Variants in SEC31A observed in about 807,000 individuals in gnomAD.
SEC31A encodes the protein protein transport protein Sec31A.
A neutral mutation model predicts 151.0 loss-of-function variants in SEC31A; 70 were observed. That is an observed-to-expected ratio of 0.46 (90% CI 0.38 to 0.57). SEC31A has a LOEUF of 0.57. Ranked by LOEUF, SEC31A falls within the 20% of genes least tolerant of loss-of-function variation. The pLI is 0.00. For synonymous variants in SEC31A, 475 were observed against 505.9 expected, an observed-to-expected ratio of 0.94 and a Z score of 0.82; for missense variants, 1,330 against 1,471.2, an observed-to-expected ratio of 0.90 and a Z score of 1.57.
chr4:82,864,101 C>T (rs1256399400), intron 11 of SEC31A, among the ~76,000 whole-genome samples: 2 of 152,000 alleles, frequency 1.3e-5, no homozygotes, highest in African/African-American at 2.4e-5. Flanking sequence ...CTGACTATGT[C>T]GCTCTCCTCT....
intron 7 of SEC31A, chr4:82,871,636 C>T (rs773303787): frequency 7.7e-5 from 41 of 535,760 alleles, no homozygotes; most frequent in African/African-American, 3.2e-4. Context: ...ATTAGCTGGG[C>T]GTGGTGGCGC....
intron 20 of SEC31A, 103 bp downstream of exon 20, chr4:82,848,701 A>T (rs2149324280): frequency 1.1e-6 from 1 of 898,526 alleles, no homozygotes. Flanking sequence ...TATATTGTCT[A>T]GTTTTACCAT....
rs183853947 is a variant in SEC31A, at chr4:82,846,808, G to A, written c.2502+1996C>T. ...CAGCTCACTGCAACCTCCGCCTCCC[G>A]GGTTCAAGCGATTCTCCTGCCTCAG... On this transcript the variant is annotated intron_variant, in intron 20 of 26. Coordinates refer to ENST00000395310, the MANE Select transcript of SEC31A (RefSeq NM_001077207.4). 2.9e-3 allele frequency among the ~76,000 whole-genome samples: 447 copies of A among 152,070 alleles called. 2 individuals carry two copies. The highest frequency in any genetic ancestry group is 0.01 in the Middle Eastern group (3 of 294).
chr4:82,867,337 C>T, intron 8 of SEC31A, 21 bp from the exon 9 acceptor site: 1 of 1,608,812 alleles, frequency 6.2e-7, no homozygotes, highest in Non-Finnish European at 8.5e-7. Flanking sequence ...AAAAAACAAA[C>T]AACAAAACTC....
Position 82,875,751 on chromosome 4 carries a change from T to C in SEC31A, c.474A>G (p.Pro158=), listed in dbSNP as rs755089680. 2.5e-6 allele frequency: 4 copies of C among 1,604,932 alleles called. No homozygotes were observed. The African/African-American group carries it at 5.4e-5, about 21-fold the overall frequency. ...CCTGTGTTTTGGCTCCTGGTGTCAT[T>C]GGGGTTGCAAAATTATTTAGATCCC... ...YIWDLNNFAT[P]MTPGAKTQPP... is the part of the protein sequence containing the mutation. Residue 158 remains proline, a synonymous_variant, in exon 5 of 27, where the codon CCA becomes CCG. Transcript: ENST00000395310.
At chr4:82,883,499 C>G (rs1739856343) in intron 1 of SEC31A, among the ~76,000 whole-genome samples, 1 of 152,152 alleles carries the variant, frequency 6.6e-6, no homozygotes, top group Admixed American at 6.5e-5. Context: ...ACAGCCTTAT[C>G]AGAGCATACT....
At position 82,843,916 on chromosome 4, in the gene SEC31A, T is replaced by C. The variant is rs112866519; in HGVS notation, c.2626+470A>G. ...GGATGTCAATAGTGGGGGCACTCTG[T>C]ACTTTCTGCTCAATTTTGTTCTGAA... is the stretch of plus-strand genomic sequence containing the variant. On this transcript the variant is annotated intron_variant, in intron 21 of 26. Transcript: ENST00000395310. 1,528 of 153,596 alleles carry C rather than the reference T, an allele frequency of 9.9e-3. 16 individuals carry two copies. Among genetic ancestry groups the C allele is most frequent in the Non-Finnish European group, 0.015 (1,018 of 68,964 alleles). The allele number at this position is 153,596 out of a possible 1,614,324, so 9.5% of individuals were successfully genotyped here.
chr4:82,846,366 C>CATAATAATAATAATAATA lies in SEC31A; in HGVS notation c.2503-1875_2503-1858dup, dbSNP rs35831381. 6.6e-3 allele frequency among the ~76,000 whole-genome samples: 925 copies of CATAATAATAATAATAATA among 140,526 alleles called. 7 individuals are homozygous for CATAATAATAATAATAATA. The highest frequency in any genetic ancestry group is 0.011 in the African/African-American group (422 of 38,382). 92.2% of individuals were successfully genotyped at this position (140,526 alleles called of 152,430 possible). ...GTAAATCTTTGCAGAAACTCCAAAA[C>CATAATAATAATAATAATA]ATAATAATAATAATAATAATAATAA... On this transcript the variant is annotated intron_variant, in intron 20 of 26. Transcript: ENST00000395310.
At position 82,829,745 on chromosome 4, in the gene SEC31A, T is replaced by TA. The variant is rs374404812; in HGVS notation, c.2969-688dup. 7.8e-3 allele frequency among the ~76,000 whole-genome samples: 1,186 copies of TA among 151,086 alleles called. 14 individuals carry two copies. The highest frequency in any genetic ancestry group is 0.014 in the Middle Eastern group (4 of 294). ...ATTACCAACTGTAGTAAATTTCCTC[T>TA]AAAAAAAAACACATGCACACTAACA... On this transcript the variant is annotated intron_variant, in intron 22 of 26. Coordinates refer to ENST00000395310, the MANE Select transcript of SEC31A (RefSeq NM_001077207.4).
intron 1 of SEC31A, among the ~76,000 whole-genome samples, chr4:82,883,595 G>A (rs998152037): frequency 1.3e-5 from 2 of 152,154 alleles, no homozygotes; most frequent in African/African-American, 2.4e-5. Flanking sequence ...TTTAGGAGCC[G>A]AAGCAAGTGG....
At chr4:82,836,017 G>A (rs1252638356) in intron 22 of SEC31A, among the ~76,000 whole-genome samples, 1 of 152,004 alleles carries the variant, frequency 6.6e-6, no homozygotes, top group East Asian at 1.9e-4. Context: ...ACAGTGTGGT[G>A]GTTCCTCAAA....
intron 10 of SEC31A, among the ~76,000 whole-genome samples, chr4:82,866,452 C>A (rs1409931670): frequency 1.3e-5 from 2 of 151,904 alleles, no homozygotes; most frequent in Non-Finnish European, 2.9e-5. Context: ...GCCTGTACAA[C>A]AGAGTGAGAC....
At chr4:82,890,470 T>C (rs964378396) in intron 1 of SEC31A, among the ~76,000 whole-genome samples, 2 of 152,214 alleles carry the variant, frequency 1.3e-5, no homozygotes, top group African/African-American at 4.8e-5. Context: ...AAATTTATAA[T>C]GCCCACAAGT....
At position 82,867,150 on chromosome 4, in the gene SEC31A, A is replaced by T; in HGVS notation, c.1044+5T>A. 1 of 1,611,660 alleles carries T rather than the reference A, an allele frequency of 6.2e-7. No homozygotes were observed. The highest frequency in any genetic ancestry group is 1.1e-5 in the South Asian group (1 of 90,828). On this transcript the variant is annotated splice_donor_5th_base_variant and intron_variant, in intron 9 of 26. Transcript: ENST00000395310. ...ATAATAGAAAACTTTAACACTTCCT[A>T]TTACCTTGTCAACTTGTTTCTGTCT...
At chr4:82,858,029 G>A (rs912522611) in intron 14 of SEC31A, 5 of 269,410 alleles carry the variant, frequency 1.9e-5, no homozygotes, top group African/African-American at 6.9e-5. Flanking sequence ...TGTAATCTCA[G>A]CACTTTAGGA....
chr4:82,887,170 C>A (rs780713041), intron 1 of SEC31A, among the ~76,000 whole-genome samples: 1 of 151,878 alleles, frequency 6.6e-6, no homozygotes. Context: ...AAAGTGAAAT[C>A]AAAATAGCTG....
chr4:82,886,158 A>G (rs1740663958), intron 1 of SEC31A, among the ~76,000 whole-genome samples: 1 of 152,210 alleles, frequency 6.6e-6, no homozygotes, highest in African/African-American at 2.4e-5. Flanking sequence ...AGAAGAAACA[A>G]TAACAAAGCA....
chr4:82,854,467 T>C (rs1470731638), intron 17 of SEC31A, among the ~76,000 whole-genome samples: 1 of 152,200 alleles, frequency 6.6e-6, no homozygotes, highest in Non-Finnish European at 1.5e-5. Flanking sequence ...AGCCTTAAGC[T>C]TTTCTTGCAA....
At chr4:82,884,065 G>T (rs1740048213) in intron 1 of SEC31A, among the ~76,000 whole-genome samples, 1 of 142,440 alleles carries the variant, frequency 7.0e-6, no homozygotes, top group African/African-American at 2.6e-5. Context: ...TCGGCTCACT[G>T]CAACGTCTGC....
Sources: gnomAD v4.1 joint callset for allele counts (sites outside exome capture counted in the v4.1 genomes callset) on GRCh38, gnomAD v4.1.1 for gene constraint, MANE v1.5 for transcripts, NCBI Gene and HGNC (gene_info 2026-07-23, HGNC 2026-07-21) for gene names.